The following BRI3BP variants were observed in gnomAD, a reference collection of about 807,000 sequenced individuals.
BRI3BP encodes BRI3 binding protein.
In BRI3BP, 7 loss-of-function variants were observed where a neutral mutation model predicts 15.8. The observed-to-expected ratio is 0.44, with a 90% CI of 0.25 to 0.83. The LOEUF (loss-of-function observed/expected upper bound fraction) is 0.83, where lower values mean the gene tolerates loss of function less well. Ranked by LOEUF, BRI3BP falls within the 40% of genes least tolerant of loss-of-function variation. The pLI is 0.20. For missense variants in BRI3BP, 320 were observed against 339.3 expected (o/e 0.94, Z 0.45); for synonymous variants, 192 against 163.5 (o/e 1.17, Z -1.33).
intron 1 of BRI3BP, among the ~76,000 whole-genome samples, chr12:125,006,785 C>T (rs977467906): frequency 6.6e-6 from 1 of 152,228 alleles, no homozygotes; most frequent in Non-Finnish European, 1.5e-5. Flanking sequence ...AAAGTCTCTT[C>T]CTCCCAGAAT....
chr12:125,002,725 G>A (rs918062615), intron 1 of BRI3BP, among the ~76,000 whole-genome samples: 1 of 152,114 alleles, frequency 6.6e-6, no homozygotes, highest in Non-Finnish European at 1.5e-5. Context: ...CAAAGTGCTG[G>A]GATTACAGGC....
At chr12:125,051,160 T>C in the BRI3BP span, among the ~76,000 whole-genome samples, 2 of 152,254 alleles carry the variant, frequency 1.3e-5, no homozygotes, top group Non-Finnish European at 2.9e-5. Flanking sequence ...GAGGCCTCTG[T>C]TGATGGAGAT....
At chr12:125,038,705 C>T in the BRI3BP span, among the ~76,000 whole-genome samples, 3 of 152,074 alleles carry the variant, frequency 2.0e-5, no homozygotes, top group East Asian at 1.9e-4. Context: ...GCGGAGGTTG[C>T]GGTGAGCCGA....
chr12:125,018,771 C>G (rs924303135), intron 2 of BRI3BP, among the ~76,000 whole-genome samples: 1 of 151,920 alleles, frequency 6.6e-6, no homozygotes, highest in Non-Finnish European at 1.5e-5. Context: ...CCTCCGCCTC[C>G]TGAGTTCAAG....
Position 125,025,714 on chromosome 12 carries a change from T to C in BRI3BP, c.*284T>C, listed in dbSNP as rs1955348618. The C allele has an allele frequency of 1.1e-5, 4 of 376,192 alleles. No homozygotes were observed. Among genetic ancestry groups the C allele is most frequent in the Middle Eastern group, 6.9e-4 (1 of 1,444 alleles). 23.3% of individuals were successfully genotyped at this position (376,192 alleles called of 1,614,324 possible). ...ATTTAGTTGTACAGTAAGAGAAATTTATCTGTGCATAGAGCATAAAGTTAA... is the reference window on the plus strand; with the variant it reads ...ATTTAGTTGTACAGTAAGAGAAATTCATCTGTGCATAGAGCATAAAGTTAA... On this transcript the variant is annotated 3_prime_UTR_variant, in exon 3 of 3. Transcript: ENST00000341446.
chr12:125,017,137 A>T (rs2135996278), intron 2 of BRI3BP, among the ~76,000 whole-genome samples: 1 of 151,508 alleles, frequency 6.6e-6, no homozygotes, highest in African/African-American at 2.4e-5. Context: ...CTCGTGCCTC[A>T]GTCTCCCGAG....
the BRI3BP span, among the ~76,000 whole-genome samples, chr12:125,039,794 A>G: frequency 6.6e-6 from 1 of 152,194 alleles, no homozygotes; most frequent in Non-Finnish European, 1.5e-5. Flanking sequence ...TACATAAAAT[A>G]CTATTAATAA....
chr12:125,048,940 G>T, the BRI3BP span, among the ~76,000 whole-genome samples: 3 of 151,954 alleles, frequency 2.0e-5, no homozygotes, highest in African/African-American at 7.3e-5. Flanking sequence ...ATGCAAGAGA[G>T]CCCAAATTTA....
the BRI3BP span, among the ~76,000 whole-genome samples, chr12:125,042,752 G>T: frequency 1.3e-5 from 2 of 152,054 alleles, no homozygotes; most frequent in East Asian, 1.9e-4. Flanking sequence ...GGCCAGGCTG[G>T]TTTCAAACTC....
Position 125,025,158 on chromosome 12 carries a change from C to T in BRI3BP, c.484C>T (p.Arg162Trp), listed in dbSNP as rs1231065495. Reference protein sequence around the residue: ...VVFGRFFWIVRVVLFSMSCVY... With the variant: ...VVFGRFFWIVWVVLFSMSCVY... ...GTTCGGCCGCTTCTTCTGGATCGTG[C>T]GGGTCGTCCTGTTTTCCATGTCCTG... Residue 162 changes from arginine to tryptophan, a missense_variant, in exon 3 of 3, where the codon CGG becomes TGG. Coordinates refer to ENST00000341446, the MANE Select transcript of BRI3BP (RefSeq NM_080626.6). 6.2e-7 allele frequency: 1 copy of T among 1,614,114 alleles called. No homozygotes were observed. Among genetic ancestry groups the T allele is most frequent in the Admixed American group, 1.7e-5 (1 of 60,010 alleles).
rs1134368 is a variant in BRI3BP, at chr12:125,029,324, G to A, written c.*3894G>A. The A allele has an allele frequency of 0.38, 53,660 of 141,692 alleles. 10,587 individuals are homozygous for A. Among genetic ancestry groups the A allele is most frequent in the Middle Eastern group, 0.47 (129 of 272 alleles). The allele number at this position is 141,692 out of a possible 1,614,324, so 8.8% of individuals were successfully genotyped here. On this transcript the variant is annotated 3_prime_UTR_variant, in exon 3 of 3. Coordinates refer to ENST00000341446, the MANE Select transcript of BRI3BP (RefSeq NM_080626.6). ...CGGTCGGGAGTTCGAGACCAGCCTG[G>A]CCAACATAGTGAAATCCCGTCTCTA...
chr12:124,993,986 G>A lies in BRI3BP; in HGVS notation c.196G>A (p.Val66Met). Residue 66 changes from valine to methionine, a missense_variant, in exon 1 of 3, where the codon GTG becomes ATG. Val to Met is a conservative substitution (Grantham distance 21). Coordinates refer to ENST00000341446, the MANE Select transcript of BRI3BP (RefSeq NM_080626.6). ...CAGCAGCCTGTTCGGCGAGGACAAC[G>A]TGCGCGCCGCTCAGAAGGTGGGCGC... is the stretch of plus-strand genomic sequence containing the variant. ...SVSSLFGEDN[V>M]RAAQKFLARL... The A allele has an allele frequency of 7.4e-7, 1 of 1,352,846 alleles. No homozygotes were observed. The highest frequency in any genetic ancestry group is 1.5e-5 in the African/African-American group (1 of 65,626). 83.8% of individuals were successfully genotyped at this position (1,352,846 alleles called of 1,614,324 possible).
At chr12:125,008,886 A>T (rs1198134352) in intron 1 of BRI3BP, among the ~76,000 whole-genome samples, 2 of 152,154 alleles carry the variant, frequency 1.3e-5, no homozygotes, top group Non-Finnish European at 2.9e-5. Context: ...TGACGCGGAC[A>T]GTGGCAGATC....
In BRI3BP at chr12:125,029,853, C is replaced by T. The variant is rs1955393690; in HGVS notation, c.*4423C>T. Reference sequence around the variant, plus strand: ...GGGAACTGGGACTATGTCTTTATGACTGTGATGGTGGTAACCAAGTGGGGT... The same window carrying T: ...GGGAACTGGGACTATGTCTTTATGATTGTGATGGTGGTAACCAAGTGGGGT... On this transcript the variant is annotated 3_prime_UTR_variant, in exon 3 of 3. Coordinates refer to ENST00000341446, the MANE Select transcript of BRI3BP (RefSeq NM_080626.6). 6.6e-6 allele frequency: 1 copy of T among 152,322 alleles called. No individual in the cohort carries two copies. The highest frequency in any genetic ancestry group is 6.6e-5 in the Admixed American group (1 of 15,262). 9.4% of individuals were successfully genotyped at this position (152,322 alleles called of 1,614,324 possible).
chr12:125,022,253 T>G (rs1356209320), intron 2 of BRI3BP, among the ~76,000 whole-genome samples: 1 of 151,942 alleles, frequency 6.6e-6, no homozygotes, highest in Non-Finnish European at 1.5e-5. Context: ...AGGATATAAC[T>G]CTCCTTGAAC....
At chr12:125,014,276 TCC>T (rs1955221442) in intron 2 of BRI3BP, among the ~76,000 whole-genome samples, 1 of 152,126 alleles carries the variant, frequency 6.6e-6, no homozygotes, top group African/African-American at 2.4e-5. Flanking sequence ...CTGGGCTCTT[TCC>T]AGCCCCACCG....
rs1298219458 is a variant in BRI3BP, at chr12:125,012,608, C to T, written c.288C>T (p.Thr96=). The T allele has an allele frequency of 8.7e-6, 14 of 1,611,160 alleles. No individual in the cohort carries two copies. The highest frequency in any genetic ancestry group is 4.0e-5 in the African/African-American group (3 of 74,820). Reference sequence around the variant, plus strand: ...TGGAGACACTGTGGAAAGTCTGGACCGAGCTCTTGGATGTTCTTGGACTTG... The same window carrying T: ...TGGAGACACTGTGGAAAGTCTGGACTGAGCTCTTGGATGTTCTTGGACTTG... ...MFVETLWKVW[T]ELLDVLGLDV... is the part of the protein sequence containing the mutation. The change falls in exon 2 of 3, where the codon ACC becomes ACT. Residue 96 remains threonine (T), a synonymous_variant. Coordinates refer to ENST00000341446, the MANE Select transcript of BRI3BP (RefSeq NM_080626.6).
chr12:125,012,517 T>C lies in BRI3BP; in HGVS notation c.214-17T>C, dbSNP rs368299185. 2 of 1,569,694 alleles carry C rather than the reference T, an allele frequency of 1.3e-6. No homozygotes were observed. The highest frequency in any genetic ancestry group is 2.7e-5 in the African/African-American group (2 of 73,880). ...GAAAACAGTGATTGGGTGATGACCGTTTTCTTGTTTCTGCAGTTCTTGGCC... is the reference window on the plus strand; with the variant it reads ...GAAAACAGTGATTGGGTGATGACCGCTTTCTTGTTTCTGCAGTTCTTGGCC... On this transcript the variant is annotated splice_polypyrimidine_tract_variant and intron_variant, in intron 1 of 2. Coordinates refer to ENST00000341446, the MANE Select transcript of BRI3BP (RefSeq NM_080626.6).
rs1387559607 is a variant in BRI3BP, at chr12:124,993,681, G to A, written c.-110G>A. On this transcript the variant is annotated 5_prime_UTR_variant, in exon 1 of 3. Coordinates refer to ENST00000341446, the MANE Select transcript of BRI3BP (RefSeq NM_080626.6). The stretch of plus-strand genomic sequence containing the variant: ...AGCGGCGGCGGCGGCTGTGGGTAAA[G>A]GCGCGGCGCGCGGCCCCCGAGCGCG... 2 of 591,566 alleles carry A rather than the reference G, an allele frequency of 3.4e-6. No individual in the cohort carries two copies. Among genetic ancestry groups the A allele is most frequent in the East Asian group, 2.8e-4 (2 of 7,076 alleles). The allele number at this position is 591,566 out of a possible 1,614,324, so 36.6% of individuals were successfully genotyped here.
Sources: allele counts gnomAD v4.1 joint callset (sites outside exome capture counted in the v4.1 genomes callset), GRCh38; gene constraint gnomAD v4.1.1; transcripts MANE v1.5; gene names NCBI Gene and HGNC (gene_info 2026-07-23, HGNC 2026-07-21).